The following ELMO1 variants were observed in gnomAD, a reference collection of about 807,000 sequenced individuals.
The protein encoded by ELMO1 is engulfment and cell motility protein 1.
ELMO1 carries 26 observed loss-of-function variants against 98.9 expected under a neutral mutation model. That is an observed-to-expected ratio of 0.26 (90% CI 0.19 to 0.36). The LOEUF (loss-of-function observed/expected upper bound fraction) is 0.36. Among genes scored for constraint, ELMO1 ranks in the 10% least tolerant of loss-of-function variants. ELMO1 has a pLI of 1.00. For missense variants in ELMO1, 627 were observed against 935.2 expected, an observed-to-expected ratio of 0.67 and a Z score of 4.30; for synonymous variants, 346 against 346.0, an observed-to-expected ratio of 1.00 and a Z score of 0.00.
intron 2 of ELMO1, among the ~76,000 whole-genome samples, chr7:37,330,025 T>C (rs919182174): frequency 2.0e-5 from 3 of 152,196 alleles, no homozygotes; most frequent in Non-Finnish European, 2.9e-5. Context: ...TGCTTAGAAA[T>C]CTTCCATTTT....
chr7:37,350,122 C>A (rs1801193151), intron 1 of ELMO1, among the ~76,000 whole-genome samples: 1 of 152,126 alleles, frequency 6.6e-6, no homozygotes, highest in Non-Finnish European at 1.5e-5. Context: ...ACCTGATGGC[C>A]ATTCTGAAGA....
intron 16 of ELMO1, among the ~76,000 whole-genome samples, chr7:36,960,412 T>C (rs1027287392): frequency 3.4e-5 from 5 of 146,606 alleles, no homozygotes; most frequent in Non-Finnish European, 7.4e-5. Flanking sequence ...TTTTATTTTA[T>C]TTTTTGCCTT....
intron 15 of ELMO1, among the ~76,000 whole-genome samples, chr7:37,090,297 A>G (rs1784009442): frequency 6.6e-6 from 1 of 152,234 alleles, no homozygotes; most frequent in Non-Finnish European, 1.5e-5. Context: ...TTAGGCCAGG[A>G]CTGGGGTGAG....
intron 15 of ELMO1, among the ~76,000 whole-genome samples, chr7:37,086,517 C>T (rs1019598045): frequency 1.2e-4 from 18 of 151,758 alleles, no homozygotes; most frequent in African/African-American, 3.6e-4. Flanking sequence ...CTGAGTCAGG[C>T]GGGTCACTTG....
At chr7:37,035,302 C>T (rs543503600) in intron 15 of ELMO1, among the ~76,000 whole-genome samples, 79 of 152,298 alleles carry the variant, frequency 5.2e-4, no homozygotes, top group Non-Finnish European at 5.7e-4. Context: ...TTAAATTCTC[C>T]AGATTTTGAT....
At chr7:37,447,643 C>T (rs1443081956) in intron 1 of ELMO1, among the ~76,000 whole-genome samples, 1 of 150,692 alleles carries the variant, frequency 6.6e-6, no homozygotes, top group Non-Finnish European at 1.5e-5. Context: ...ACAACACCCC[C>T]CCCACACACA....
At chr7:37,154,217 C>T (rs950493985) in intron 13 of ELMO1, among the ~76,000 whole-genome samples, 3 of 152,198 alleles carry the variant, frequency 2.0e-5, no homozygotes, top group Non-Finnish European at 2.9e-5. Flanking sequence ...GAAACCAGAA[C>T]AGAAAGGCTG....
chr7:37,169,347 A>G (rs887366565), intron 13 of ELMO1, among the ~76,000 whole-genome samples: 9 of 152,122 alleles, frequency 5.9e-5, no homozygotes, highest in East Asian at 1.9e-4. Context: ...ACTGCACCCA[A>G]TGACCTGCGC....
chr7:37,143,387 T>C (rs1434080746), intron 13 of ELMO1, among the ~76,000 whole-genome samples: 1 of 152,160 alleles, frequency 6.6e-6, no homozygotes, highest in Non-Finnish European at 1.5e-5. Flanking sequence ...TCTGGCAGAG[T>C]GGGCCTGAGA....
chr7:36,993,066 T>C (rs1029113413), intron 16 of ELMO1, among the ~76,000 whole-genome samples: 1 of 152,040 alleles, frequency 6.6e-6, no homozygotes, highest in Non-Finnish European at 1.5e-5. Context: ...ACAAGCAGAC[T>C]CAGCTTACCC....
intron 13 of ELMO1, among the ~76,000 whole-genome samples, chr7:37,154,956 G>A (rs1221664285): frequency 1.3e-5 from 2 of 152,228 alleles, no homozygotes; most frequent in Non-Finnish European, 2.9e-5. Context: ...CAGACTAACA[G>A]CGGATCTTTC....
At chr7:37,130,007 T>C (rs1786800508) in intron 14 of ELMO1, among the ~76,000 whole-genome samples, 1 of 152,166 alleles carries the variant, frequency 6.6e-6, no homozygotes, top group African/African-American at 2.4e-5. Flanking sequence ...GAGGTAGTAC[T>C]CTCCATCTCT....
At chr7:37,449,026 C>G (rs568054127), upstream of ELMO1, 26 of 152,520 alleles carry the variant, frequency 1.7e-4, no homozygotes, top group Admixed American at 6.5e-4. Flanking sequence ...GCCCCCGGCA[C>G]CTGCGCCAGG....
At chr7:37,208,593 G>GATGCTGTA (rs1792770561) in intron 13 of ELMO1, among the ~76,000 whole-genome samples, 1 of 152,188 alleles carries the variant, frequency 6.6e-6, no homozygotes, top group African/African-American at 2.4e-5. Context: ...ACAGCATCTA[G>GATGCTGTA]AGATTTTGCA....
intron 1 of ELMO1, among the ~76,000 whole-genome samples, chr7:37,356,966 C>A (rs1801522324): frequency 3.3e-5 from 5 of 152,112 alleles, no homozygotes; most frequent in Admixed American, 3.3e-4. Flanking sequence ...TCCCCAAAGA[C>A]CCTCTTTCCA....
rs368896639 is a variant in ELMO1 at position 37,141,960 on chromosome 7, G to A, written c.1087-8726C>T. ...TACTGGCCACAGTCCACAGTTTAAA[G>A]AGCATCGCTGTCCACAACTAGAGGT... On this transcript the variant is annotated intron_variant, in intron 13 of 21. Coordinates refer to ENST00000310758, the MANE Select transcript of ELMO1 (RefSeq NM_014800.11). Among the ~76,000 whole-genome samples, 81 of 152,338 alleles carry A rather than the reference G, an allele frequency of 5.3e-4. 1 individual carries two copies. In the South Asian group the frequency reaches 0.017, roughly 31 times the overall value.
chr7:37,093,349 G>A (rs1784218365), intron 15 of ELMO1, among the ~76,000 whole-genome samples: 1 of 152,102 alleles, frequency 6.6e-6, no homozygotes, highest in Admixed American at 6.5e-5. Flanking sequence ...CTAGAAAATT[G>A]GATCTTTCTA....
chr7:37,226,969 C>T (rs535343567), intron 8 of ELMO1, among the ~76,000 whole-genome samples: 31 of 152,282 alleles, frequency 2.0e-4, no homozygotes, highest in South Asian at 2.1e-4. Context: ...AAGTACACTG[C>T]GGGCCTATTC....
At chr7:37,064,044 C>G (rs894411589) in intron 15 of ELMO1, among the ~76,000 whole-genome samples, 1 of 152,126 alleles carries the variant, frequency 6.6e-6, no homozygotes, top group South Asian at 2.1e-4. Flanking sequence ...TATAGAGGAG[C>G]TCCATGGGCT....
Sources: allele counts gnomAD v4.1 joint callset (sites outside exome capture counted in the v4.1 genomes callset), GRCh38; gene constraint gnomAD v4.1.1; transcripts MANE v1.5; gene names NCBI Gene and HGNC (gene_info 2026-07-23, HGNC 2026-07-21).